The following BPIFC variants were observed in gnomAD, a reference collection of about 807,000 sequenced individuals.
BPIFC encodes the protein BPI fold containing family C, also known as BPI fold-containing family C protein.
BPIFC carries 60 observed loss-of-function variants against 57.6 expected under a neutral mutation model. The observed-to-expected ratio is 1.04, with a 90% CI of 0.85 to 1.29. The LOEUF is 1.29. Among genes scored for constraint, BPIFC ranks in the 50% most tolerant of loss-of-function variants. The pLI is 0.00. For missense variants in BPIFC, 581 were observed against 600.5 expected (o/e 0.97, Z 0.34); for synonymous variants, 243 against 224.5 (o/e 1.08, Z -0.74).
intron 3 of BPIFC, among the ~76,000 whole-genome samples, chr22:32,454,814 C>G: frequency 6.6e-6 from 1 of 152,162 alleles, no homozygotes; most frequent in African/African-American, 2.4e-5. Flanking sequence ...AACTTTGCCA[C>G]TGAATAGCTT....
At chr22:32,435,992 A>G in intron 9 of BPIFC, 112 bp from the exon 10 acceptor site, 1 of 1,251,052 alleles carries the variant, frequency 8.0e-7, no homozygotes, top group Non-Finnish European at 1.1e-6. Flanking sequence ...AGCTCGGGCC[A>G]GGTGTGGTGG....
At chr22:32,435,681 C>T (rs771273557) in intron 10 of BPIFC, 23 bp downstream of exon 10, 3 of 1,600,962 alleles carry the variant, frequency 1.9e-6, no homozygotes, top group South Asian at 1.1e-5. Context: ...TGACCATTGA[C>T]ATCCTCAGTT....
intron 3 of BPIFC, among the ~76,000 whole-genome samples, chr22:32,454,740 G>A (rs1156521417): frequency 6.6e-6 from 1 of 152,176 alleles, no homozygotes; most frequent in Non-Finnish European, 1.5e-5. Context: ...GTGATGCAAA[G>A]ACAGATATAA....
At chr22:32,441,156 G>C (rs536554561) in intron 8 of BPIFC, among the ~76,000 whole-genome samples, 1 of 152,166 alleles carries the variant, frequency 6.6e-6, no homozygotes, top group Admixed American at 6.5e-5. Context: ...TCAGCCTCAG[G>C]GTTTTTGTGC....
At chr22:32,438,538 C>T (rs1934473970) in intron 8 of BPIFC, among the ~76,000 whole-genome samples, 2 of 152,068 alleles carry the variant, frequency 1.3e-5, no homozygotes, top group Admixed American at 1.3e-4. Context: ...ATTACAGGCA[C>T]CCACCACCAC....
chr22:32,447,249 TG>T lies in BPIFC; in HGVS notation c.336del (p.Asn113ThrfsTer34). On this transcript the variant is annotated frameshift_variant, in exon 5 of 17. Coordinates refer to ENST00000300399, the MANE Select transcript of BPIFC (RefSeq NM_174932.3). LOFTEE classifies it high-confidence loss of function. ...TCGAACCCCCAGTCTGTGCTGATGT[TG>T]GCAGTGCCATGGTTGGTTAGCGCTT... ...GIKALTNHGT[A>X]NISTDWGFES... is the part of the protein sequence containing the mutation. 1 of 1,614,038 alleles carries T rather than the reference TG, an allele frequency of 6.2e-7. No individual in the cohort carries two copies. The highest frequency in any genetic ancestry group is 1.1e-5 in the South Asian group (1 of 91,062).
chr22:32,426,904 G>A (rs5749434), intron 13 of BPIFC, among the ~76,000 whole-genome samples: 14,460 of 53,804 alleles, frequency 0.27, 1,221 homozygotes, highest in African/African-American at 0.51. Flanking sequence ...AAAAAAAAAA[G>A]AAAGAAAGAA....
chr22:32,417,301 A>G (rs1933710240), intron 14 of BPIFC, among the ~76,000 whole-genome samples, 153 bp from the exon 15 acceptor site: 1 of 150,084 alleles, frequency 6.7e-6, no homozygotes, highest in African/African-American at 2.5e-5. Flanking sequence ...TCAGCCTCTC[A>G]AGCAGCTGGG....
intron 2 of BPIFC, among the ~76,000 whole-genome samples, chr22:32,457,978 C>T (rs1468215562): frequency 6.6e-6 from 1 of 152,206 alleles, no homozygotes; most frequent in Admixed American, 6.5e-5. Flanking sequence ...ACTGGTCTCT[C>T]TGCTTCGGCC....
intron 4 of BPIFC, among the ~76,000 whole-genome samples, chr22:32,452,409 G>T (rs553816384): frequency 6.6e-6 from 1 of 152,124 alleles, no homozygotes; most frequent in African/African-American, 2.4e-5. Flanking sequence ...GGCCAAAGGC[G>T]GCCGATCACT....
chr22:32,445,815 C>T (rs760896872), intron 6 of BPIFC, 26 bp downstream of exon 6: 4 of 1,612,218 alleles, frequency 2.5e-6, no homozygotes, highest in Non-Finnish European at 3.4e-6. Flanking sequence ...TAACTAGCCA[C>T]TGCCCAACCC....
rs866750927 is a variant in BPIFC, at chr22:32,461,912, G to A, written c.-88-251C>T. 2.8e-4 allele frequency among the ~76,000 whole-genome samples: 42 copies of A among 152,194 alleles called. No homozygotes were observed. The Middle Eastern group carries it at 0.014, about 49-fold the overall frequency. On this transcript the variant is annotated intron_variant, in intron 1 of 16. Coordinates refer to ENST00000300399, the MANE Select transcript of BPIFC (RefSeq NM_174932.3). ...AAATAGGCCGGGCGTGGTGGCTCACGCCTATAATCCTGGCACCTTGGAAGG... is the reference window on the plus strand; with the variant it reads ...AAATAGGCCGGGCGTGGTGGCTCACACCTATAATCCTGGCACCTTGGAAGG...
intron 3 of BPIFC, among the ~76,000 whole-genome samples, chr22:32,454,551 A>AT (rs1934987001): frequency 6.6e-6 from 1 of 152,214 alleles, no homozygotes. Context: ...AAAGAGCTTG[A>AT]GAAAAGTAAC....
chr22:32,424,264 G>A (rs1011599540), intron 13 of BPIFC, among the ~76,000 whole-genome samples: 1 of 152,174 alleles, frequency 6.6e-6, no homozygotes, highest in Admixed American at 6.5e-5. Context: ...ATCCAGATAT[G>A]CCTGACTCCA....
chr22:32,442,593 T>C (rs1934594934), intron 8 of BPIFC, 78 bp downstream of exon 8: 2 of 1,456,610 alleles, frequency 1.4e-6, no homozygotes, highest in Admixed American at 1.8e-5. Context: ...CTATACCGCC[T>C]TGAAAAGCAA....
intron 4 of BPIFC, among the ~76,000 whole-genome samples, chr22:32,452,955 C>T (rs546450227): frequency 6.6e-6 from 1 of 152,178 alleles, no homozygotes; most frequent in Non-Finnish European, 1.5e-5. Context: ...ACTTTCTTCC[C>T]TGAACATTCC....
chr22:32,433,938 C>T (rs564295642), intron 10 of BPIFC, among the ~76,000 whole-genome samples, 166 bp from the exon 11 acceptor site: 2 of 152,044 alleles, frequency 1.3e-5, no homozygotes, highest in South Asian at 2.1e-4. Context: ...ATAGGGAATC[C>T]GAGGCTCAGA....
intron 6 of BPIFC, 59 bp from the exon 7 acceptor site, chr22:32,445,757 T>C: frequency 9.4e-7 from 1 of 1,064,662 alleles, no homozygotes; most frequent in East Asian, 3.8e-5. Context: ...GAGACCATAA[T>C]CAGCCATTTG....
At chr22:32,423,577 G>GTGTGTGTGTGTGTGTGTGT (rs1933908386) in intron 13 of BPIFC, among the ~76,000 whole-genome samples, 2 of 143,198 alleles carry the variant, frequency 1.4e-5, no homozygotes, top group African/African-American at 5.4e-5. Context: ...GTAGGGTGTG[G>GTGTGTGTGTGTGTGTGTGT]GTGTGTGTGT....
Sources: allele counts gnomAD v4.1 joint callset (sites outside exome capture counted in the v4.1 genomes callset), GRCh38; gene constraint gnomAD v4.1.1; transcripts MANE v1.5; gene names NCBI Gene and HGNC (gene_info 2026-07-23, HGNC 2026-07-21).